MYO10: variants seen among roughly 807,000 people sequenced by gnomAD.
MYO10 encodes the protein myosin X.
Under a neutral mutation model 257.3 loss-of-function variants are expected in MYO10, and 133 were observed. That is an observed-to-expected ratio of 0.52 (90% CI 0.45 to 0.60). The LOEUF (loss-of-function observed/expected upper bound fraction) is 0.60. Ranked by LOEUF, MYO10 falls within the 20% of genes least tolerant of loss-of-function variation. The pLI is 0.00. For missense variants in MYO10, 2,399 were observed against 2,635.7 expected (o/e 0.91, Z 1.97); for synonymous variants, 1,104 against 1,028.6 (o/e 1.07, Z -1.40).
At chr5:16,783,567 G>A (rs1741488316) in intron 4 of MYO10, 98 bp from the exon 5 acceptor site, 1 of 1,299,910 alleles carries the variant, frequency 7.7e-7, no homozygotes, top group African/African-American at 1.5e-5. Context: ...CAGAACAATG[G>A]TAGAAAGGTG....
chr5:16,758,416 T>C (rs1210433869), intron 17 of MYO10, among the ~76,000 whole-genome samples, 190 bp from the exon 18 acceptor site: 3 of 152,212 alleles, frequency 2.0e-5, no homozygotes, highest in Non-Finnish European at 4.4e-5. Context: ...TGAAAACACG[T>C]GGCAGTGTCA....
rs112564761 is a variant in MYO10, at chr5:16,841,170, G to A, written c.121-23003C>T. Among the ~76,000 whole-genome samples, 612 of 151,098 alleles carry A rather than the reference G, an allele frequency of 4.1e-3. 1 individual carries two copies. The highest frequency in any genetic ancestry group is 0.014 in the African/African-American group (578 of 41,210). The stretch of plus-strand genomic sequence containing the variant: ...CAAAAAAAAAAAAAAAGGAGATTTC[G>A]AATGTTTAGGAGCTGCTTACATAAC... On this transcript the variant is annotated intron_variant, in intron 2 of 40. Transcript: ENST00000513610.
At chr5:16,730,719 T>G (rs890225942) in intron 19 of MYO10, among the ~76,000 whole-genome samples, 2 of 152,112 alleles carry the variant, frequency 1.3e-5, no homozygotes, top group Admixed American at 6.5e-5. Flanking sequence ...TGAGAATTAC[T>G]AGGTGGGGGC....
Position 16,670,855 on chromosome 5 carries a change from C to G in MYO10, c.5554G>C (p.Glu1852Gln). Residue 1852 changes from glutamate to glutamine, a missense_variant, in exon 39 of 41, where the codon GAA becomes CAA. Glu to Gln is a conservative substitution (Grantham distance 29, BLOSUM62 2). This residue lies in a region of MYO10 where 1,820 missense variants were observed against 1,939.4 expected (regional missense o/e 0.94). Coordinates refer to ENST00000513610, the MANE Select transcript of MYO10 (RefSeq NM_012334.3). ...AGTCTCTGCAGGGAATAAACCTCTTCGAGAGGTGGGATGGCAGCGTGCAGA... is the reference window on the plus strand; with the variant it reads ...AGTCTCTGCAGGGAATAAACCTCTTGGAGAGGTGGGATGGCAGCGTGCAGA... The part of the protein sequence containing the change: ...YTLHAAIPPL[E>Q]EVYSLQRLKA... 3 of 1,613,916 alleles carry G rather than the reference C, an allele frequency of 1.9e-6. No homozygotes were observed. The highest frequency in any genetic ancestry group is 2.5e-6 in the Non-Finnish European group (3 of 1,179,870).
intron 2 of MYO10, among the ~76,000 whole-genome samples, chr5:16,866,508 G>A (rs1474729093): frequency 3.3e-5 from 5 of 152,032 alleles, no homozygotes; most frequent in Admixed American, 6.6e-5. Context: ...TCTAGAAACG[G>A]CAATTTCATA....
chr5:16,886,483 G>A (rs909339071), intron 1 of MYO10, among the ~76,000 whole-genome samples: 35 of 152,240 alleles, frequency 2.3e-4, no homozygotes, highest in African/African-American at 7.5e-4. Context: ...TCTCAAAGGC[G>A]CTGCCAGAAG....
At chr5:16,686,551 T>A (rs967832585) in intron 28 of MYO10, among the ~76,000 whole-genome samples, 4 of 152,028 alleles carry the variant, frequency 2.6e-5, no homozygotes, top group Non-Finnish European at 4.4e-5. Flanking sequence ...TTTTTTTTTT[T>A]ATGAGATGGA....
At chr5:16,848,118 G>A (rs1054848032) in intron 2 of MYO10, among the ~76,000 whole-genome samples, 19 of 146,212 alleles carry the variant, frequency 1.3e-4, no homozygotes, top group African/African-American at 4.4e-4. Context: ...TTCTCTGGCA[G>A]TTTGGGAAGC....
intron 22 of MYO10, 97 bp from the exon 23 acceptor site, chr5:16,703,255 C>T (rs776310646): frequency 9.7e-6 from 9 of 924,128 alleles, no homozygotes; most frequent in Non-Finnish European, 1.5e-5. Flanking sequence ...AAAAGAGGAC[C>T]CAGTTTTAGA....
At chr5:16,744,036 A>G (rs962029606) in intron 19 of MYO10, among the ~76,000 whole-genome samples, 2 of 152,178 alleles carry the variant, frequency 1.3e-5, no homozygotes, top group Non-Finnish European at 2.9e-5. Flanking sequence ...TTAAAAATCA[A>G]GATAAAAATG....
At chr5:16,767,874 C>T (rs936396110) in intron 10 of MYO10, among the ~76,000 whole-genome samples, 1 of 152,096 alleles carries the variant, frequency 6.6e-6, no homozygotes, top group Non-Finnish European at 1.5e-5. Context: ...GACGGGGTTT[C>T]ACCATGTTGG....
At chr5:16,729,407 T>G (rs1157961734) in intron 19 of MYO10, among the ~76,000 whole-genome samples, 2 of 151,788 alleles carry the variant, frequency 1.3e-5, no homozygotes, top group Non-Finnish European at 2.9e-5. Flanking sequence ...TTTGTATTTC[T>G]CTCTACCTTC....
At position 16,674,966 on chromosome 5, in the gene MYO10, C is replaced by G; in HGVS notation, c.4851G>C (p.Val1617=). 1 of 1,614,016 alleles carries G rather than the reference C, an allele frequency of 6.2e-7. No individual in the cohort carries two copies. The highest frequency in any genetic ancestry group is 8.5e-7 in the Non-Finnish European group (1 of 1,179,904). ...YCQLIKQTNK[V]PHPGSVGNLY... is the part of the protein sequence containing the mutation. ...GGTTGCCCACACTGCCGGGGTGGGG[C>G]ACTTTGTTGGTCTGTTTGATAAGCT... Residue 1617 remains valine, a synonymous_variant, in exon 35 of 41, where the codon GTG becomes GTC. Coordinates refer to ENST00000513610, the MANE Select transcript of MYO10 (RefSeq NM_012334.3).
At chr5:16,822,085 TTGTC>T (rs536552574) in intron 2 of MYO10, among the ~76,000 whole-genome samples, 1 of 152,064 alleles carries the variant, frequency 6.6e-6, no homozygotes, top group African/African-American at 2.4e-5. Context: ...CCTTAGAACA[TTGTC>T]TGGCATTCAG....
At position 16,728,464 on chromosome 5, in the gene MYO10, C is replaced by A. The variant is rs978933128; in HGVS notation, c.1930-17219G>T. Among the ~76,000 whole-genome samples the A allele has an allele frequency of 3.3e-5, 5 of 150,266 alleles. No homozygotes were observed. In the East Asian group the frequency reaches 9.8e-4, roughly 29 times the overall value. The stretch of plus-strand genomic sequence containing the variant: ...TAGAAAGCAGAACTGCCTTTTGCTG[C>A]AAAAAGGGAACCCCTGGATCGCCAA... On this transcript the variant is annotated intron_variant, in intron 19 of 40. Transcript: ENST00000513610.
intron 39 of MYO10, 116 bp downstream of exon 39, chr5:16,670,410 G>A (rs1561165524): frequency 1.1e-6 from 1 of 881,490 alleles, no homozygotes; most frequent in South Asian, 1.9e-5. Flanking sequence ...TCGAATAAAA[G>A]AGGTTGAGAG....
intron 19 of MYO10, chr5:16,741,992 A>G: frequency 1.0e-6 from 1 of 985,428 alleles, no homozygotes; most frequent in African/African-American, 1.7e-5. Context: ...ACTCAAAGGA[A>G]GTCCAGCCTG....
chr5:16,810,854 C>T (rs928850135), intron 3 of MYO10, among the ~76,000 whole-genome samples: 4 of 151,766 alleles, frequency 2.6e-5, no homozygotes, highest in African/African-American at 7.3e-5. Context: ...GTGGATCTCC[C>T]GAGGTCAGTT....
At position 16,863,332 on chromosome 5, in the gene MYO10, G is replaced by C. The variant is rs564991740; in HGVS notation, c.120+14277C>G. 3.8e-4 allele frequency among the ~76,000 whole-genome samples: 58 copies of C among 152,272 alleles called. 3 individuals are homozygous for C. The South Asian group carries it at 0.011, about 30-fold the overall frequency. ...CAGCTGTTCAGTCCAAAGGGGCTGGGGTGGGAAGGCAAAAGCCATGTTCTA... is the reference window on the plus strand; with the variant it reads ...CAGCTGTTCAGTCCAAAGGGGCTGGCGTGGGAAGGCAAAAGCCATGTTCTA... On this transcript the variant is annotated intron_variant, in intron 2 of 40. Transcript: ENST00000513610.
Sources: gnomAD v4.1 joint callset for allele counts (sites outside exome capture counted in the v4.1 genomes callset) on GRCh38, gnomAD v4.1.1 for gene constraint, gnomAD v4.1.1 regional missense constraint, MANE v1.5 for transcripts, NCBI Gene and HGNC (gene_info 2026-07-23, HGNC 2026-07-21) for gene names.